ATF7IP2: variants seen among roughly 807,000 people sequenced by gnomAD.
The protein encoded by ATF7IP2 is activating transcription factor 7 interacting protein 2, also known as activating transcription factor 7-interacting protein 2.
A neutral mutation model predicts 64.2 loss-of-function variants in ATF7IP2; 42 were observed. That is an observed-to-expected ratio of 0.65 (90% CI 0.51 to 0.85). ATF7IP2 has a LOEUF of 0.85. Ranked by LOEUF, ATF7IP2 falls within the 40% of genes least tolerant of loss-of-function variation. The pLI is 0.00. For synonymous variants in ATF7IP2, 308 were observed against 272.8 expected, an observed-to-expected ratio of 1.13 and a Z score of -1.27; for missense variants, 933 against 784.2, an observed-to-expected ratio of 1.19 and a Z score of -2.27.
At position 10,473,909 on chromosome 16, in the gene ATF7IP2, T is replaced by TTTTTTTTTAA; in HGVS notation, c.1483-14_1483-13insTTTTTTTTAA. On this transcript the variant is annotated splice_polypyrimidine_tract_variant and intron_variant, in intron 11 of 13. Coordinates refer to ENST00000562102, the MANE Select transcript of ATF7IP2 (RefSeq NM_001393719.1). Reference sequence around the variant, plus strand: ...TGAGGCAAAGCTTTTTTTTTTTTTTTACAATTTTTTTAGGCTGTACAGAAG... The same window carrying TTTTTTTTTAA: ...TGAGGCAAAGCTTTTTTTTTTTTTTTTTTTTTTTAAACAATTTTTTTAGGCTGTACAGAAG... The TTTTTTTTTAA allele has an allele frequency of 7.1e-7, 1 of 1,409,304 alleles. No homozygotes were observed. The highest frequency in any genetic ancestry group is 9.6e-7 in the Non-Finnish European group (1 of 1,044,938). 87.3% of individuals were successfully genotyped at this position (1,409,304 alleles called of 1,614,324 possible).
chr16:10,397,485 AAAT>A (rs1196805003), intron 1 of ATF7IP2, among the ~76,000 whole-genome samples: 1 of 152,218 alleles, frequency 6.6e-6, no homozygotes, highest in African/African-American at 2.4e-5. Context: ...AATAACAAGA[AAAT>A]AAGCCAATTA....
chr16:10,409,847 C>T (rs2047717723), intron 1 of ATF7IP2, among the ~76,000 whole-genome samples: 1 of 152,206 alleles, frequency 6.6e-6, no homozygotes, highest in Non-Finnish European at 1.5e-5. Context: ...CCTTTCCCCA[C>T]TTTATGTTTT....
chr16:10,461,975 C>G (rs1357468818), intron 9 of ATF7IP2, among the ~76,000 whole-genome samples: 1 of 151,910 alleles, frequency 6.6e-6, no homozygotes, highest in East Asian at 1.9e-4. Context: ...GTTTTATGGT[C>G]CTTTTCCTCA....
chr16:10,400,098 C>T (rs898289365), intron 1 of ATF7IP2, among the ~76,000 whole-genome samples: 4 of 152,022 alleles, frequency 2.6e-5, no homozygotes, highest in South Asian at 4.2e-4. Context: ...TGGAGTACAG[C>T]GGCACAATCT....
intron 13 of ATF7IP2, among the ~76,000 whole-genome samples, chr16:10,481,573 G>A (rs2050230159): frequency 1.3e-5 from 2 of 152,156 alleles, no homozygotes; most frequent in Admixed American, 6.5e-5. Flanking sequence ...TTAGTATAGT[G>A]TTTGAGAGCG....
chr16:10,434,619 C>T (rs527306887), intron 6 of ATF7IP2, among the ~76,000 whole-genome samples: 4 of 152,012 alleles, frequency 2.6e-5, no homozygotes, highest in African/African-American at 7.2e-5. Flanking sequence ...TGGTTTTCTT[C>T]GAAGAAGACC....
At chr16:10,401,423 C>T (rs1208836119) in intron 1 of ATF7IP2, among the ~76,000 whole-genome samples, 1 of 152,204 alleles carries the variant, frequency 6.6e-6, no homozygotes, top group African/African-American at 2.4e-5. Flanking sequence ...CCACCTCGGC[C>T]TCCCACAGTG....
At chr16:10,430,129 C>T (rs2048197445) in intron 4 of ATF7IP2, among the ~76,000 whole-genome samples, 2 of 152,146 alleles carry the variant, frequency 1.3e-5, no homozygotes, top group African/African-American at 2.4e-5. Context: ...GCTGGGATTA[C>T]AGGCATGAGC....
chr16:10,394,034 A>T (rs950658956), intron 1 of ATF7IP2, among the ~76,000 whole-genome samples: 1 of 152,202 alleles, frequency 6.6e-6, no homozygotes, highest in East Asian at 1.9e-4. Flanking sequence ...ATCTCTAAAC[A>T]AACAAAAACA....
At position 10,430,597 on chromosome 16, in the gene ATF7IP2, G is replaced by A. The variant is rs375829500; in HGVS notation, c.-10-14G>A. ...CTAGAGAAATGCATTTAAATATGAT[G>A]TCTTAAATTCCAGGATATGAAAGAT... On this transcript the variant is annotated splice_polypyrimidine_tract_variant and intron_variant, in intron 4 of 13. Coordinates refer to ENST00000562102, the MANE Select transcript of ATF7IP2 (RefSeq NM_001393719.1). 3.3e-6 allele frequency: 5 copies of A among 1,512,196 alleles called. No individual in the cohort carries two copies. Among genetic ancestry groups the A allele is most frequent in the Non-Finnish European group, 4.5e-6 (5 of 1,100,896 alleles). 93.7% of individuals were successfully genotyped at this position (1,512,196 alleles called of 1,614,324 possible). A position where few individuals can be genotyped will look rare whatever the true frequency, so the allele number is the denominator to read the frequency against.
At chr16:10,433,207 C>T (rs184530333) in intron 5 of ATF7IP2, among the ~76,000 whole-genome samples, 1 of 152,218 alleles carries the variant, frequency 6.6e-6, no homozygotes, top group East Asian at 1.9e-4. Flanking sequence ...GAAACAGGGT[C>T]TCACTGTGTT....
intron 12 of ATF7IP2, among the ~76,000 whole-genome samples, chr16:10,478,634 A>G (rs1456901435): frequency 6.6e-6 from 1 of 152,236 alleles, no homozygotes; most frequent in Non-Finnish European, 1.5e-5. Context: ...CAATGGCAAC[A>G]AAAGCCAAAA....
At chr16:10,421,480 C>G (rs1028881226) in intron 3 of ATF7IP2, among the ~76,000 whole-genome samples, 20 of 152,232 alleles carry the variant, frequency 1.3e-4, no homozygotes, top group Non-Finnish European at 2.6e-4. Flanking sequence ...CAGGTTGTAT[C>G]CAATTTATGT....
At chr16:10,468,331 A>C (rs949807675) in intron 9 of ATF7IP2, among the ~76,000 whole-genome samples, 10 of 152,220 alleles carry the variant, frequency 6.6e-5, no homozygotes, top group Admixed American at 3.9e-4. Context: ...ACTGTTGAGC[A>C]TAAACTGAAA....
chr16:10,437,051 C>G (rs1374325728), intron 6 of ATF7IP2, among the ~76,000 whole-genome samples: 1 of 147,710 alleles, frequency 6.8e-6, no homozygotes, highest in Admixed American at 6.7e-5. Context: ...GACGGAGTCT[C>G]GCTCAATCAC....
intron 8 of ATF7IP2, among the ~76,000 whole-genome samples, chr16:10,443,049 T>C (rs2048681926): frequency 6.6e-6 from 1 of 152,124 alleles, no homozygotes; most frequent in African/African-American, 2.4e-5. Context: ...CTTTTCCTGG[T>C]TGATGGAATG....
chr16:10,392,952 A>C (rs2047356332), intron 1 of ATF7IP2, among the ~76,000 whole-genome samples: 1 of 151,948 alleles, frequency 6.6e-6, no homozygotes, highest in African/African-American at 2.4e-5. Flanking sequence ...TGCCCACTGT[A>C]CTTTAGCCTG....
chr16:10,431,118 C>A lies in ATF7IP2; in HGVS notation c.498C>A (p.Ser166=). The stretch of plus-strand genomic sequence containing the variant: ...ATGAGGGGGCTTGTAGTCTAAAGTC[C>A]AGTTGCTGTCCACCCAGTGTATTGA... The part of the protein sequence containing the change: ...FEHEGACSLK[S]SCCPPSVLSG... Residue 166 remains serine, a synonymous_variant, in exon 5 of 14, where the codon TCC becomes TCA. Transcript: ENST00000562102. 2 of 1,614,116 alleles carry A rather than the reference C, an allele frequency of 1.2e-6. No individual in the cohort carries two copies. Among genetic ancestry groups the A allele is most frequent in the Non-Finnish European group, 1.7e-6 (2 of 1,180,014 alleles).
At chr16:10,417,189 G>A (rs1371440650) in intron 2 of ATF7IP2, among the ~76,000 whole-genome samples, 1 of 151,968 alleles carries the variant, frequency 6.6e-6, no homozygotes, top group African/African-American at 2.4e-5. Context: ...ACAACAACTA[G>A]GTAATAATCG....
Sources: allele counts gnomAD v4.1 joint callset (sites outside exome capture counted in the v4.1 genomes callset), GRCh38; gene constraint gnomAD v4.1.1; transcripts MANE v1.5; gene names NCBI Gene and HGNC (gene_info 2026-07-23, HGNC 2026-07-21).